Variants in ZNF93 observed in about 807,000 individuals in gnomAD.
ZNF93 encodes the protein zinc finger protein 505.
ZNF93 carries 29 observed loss-of-function variants against 45.0 expected under a neutral mutation model. That is an observed-to-expected ratio of 0.64 (90% CI 0.48 to 0.88). The LOEUF is 0.88. Ranked by LOEUF, ZNF93 falls within the 40% of genes least tolerant of loss-of-function variation. ZNF93 has a pLI of 0.00. For missense variants in ZNF93, 578 were observed against 724.0 expected, an observed-to-expected ratio of 0.80 and a Z score of 2.31; for synonymous variants, 223 against 244.6, an observed-to-expected ratio of 0.91 and a Z score of 0.82.
In ZNF93 at chr19:19,934,760, T is replaced by G; in HGVS notation, c.1805T>G (p.Phe602Cys). The G allele has an allele frequency of 6.2e-7, 1 of 1,609,488 alleles. No individual in the cohort carries two copies. The highest frequency in any genetic ancestry group is 8.5e-7 in the Non-Finnish European group (1 of 1,177,992). The change falls in exon 4 of 4, where the codon TTT becomes TGT. Residue 602 changes from phenylalanine to cysteine, a missense_variant. This residue lies in a region of ZNF93 where 119 missense variants were observed against 123.1 expected (regional missense o/e 0.97). Coordinates refer to ENST00000343769, the MANE Select transcript of ZNF93 (RefSeq NM_031218.4). ...PYECDKCGKA[F>C]ISPSSLSRHE... is the part of the protein sequence containing the mutation. The stretch of plus-strand genomic sequence containing the variant: ...GAGTGTGATAAATGTGGCAAAGCCT[T>G]TATTTCACCCTCAAGCCTTAGTAGA...
At chr19:19,920,622 G>T (rs1483551396) in intron 3 of ZNF93, among the ~76,000 whole-genome samples, 4 of 152,106 alleles carry the variant, frequency 2.6e-5, no homozygotes, top group Admixed American at 6.6e-5. Flanking sequence ...CAATTTCAGA[G>T]CCTGTTATTG....
chr19:19,934,266 C>T lies in ZNF93; in HGVS notation c.1311C>T (p.Ser437=). ...AATGTGGCAAAGCCTTTGTTGCATC[C>T]TCAACCCTTAGTAAACATGAGATCA... ...CEECGKAFVA[S]STLSKHEIIH... The change falls in exon 4 of 4, where the codon TCC becomes TCT. Residue 437 remains serine, a synonymous_variant. Coordinates refer to ENST00000343769, the MANE Select transcript of ZNF93 (RefSeq NM_031218.4). The T allele has an allele frequency of 6.2e-7, 1 of 1,612,810 alleles. No individual in the cohort carries two copies. The highest frequency in any genetic ancestry group is 1.1e-5 in the South Asian group (1 of 91,020).
chr19:19,926,038 A>G lies in ZNF93; in HGVS notation c.227-7144A>G, dbSNP rs1432163598. On this transcript the variant is annotated intron_variant, in intron 3 of 3. Coordinates refer to ENST00000343769, the MANE Select transcript of ZNF93 (RefSeq NM_031218.4). ...CAATGATTCAAAATACCTGCACTTCATGAGTACAAACTAAAAGCTAAATAT... is the reference window on the plus strand; with the variant it reads ...CAATGATTCAAAATACCTGCACTTCGTGAGTACAAACTAAAAGCTAAATAT... 3 of 151,920 alleles carry G rather than the reference A, an allele frequency of 2.0e-5. No individual in the cohort carries two copies. In the East Asian group the frequency reaches 5.8e-4, roughly 29 times the overall value. The allele number at this position is 151,920 out of a possible 1,614,324, so 9.4% of individuals were successfully genotyped here.
At chr19:19,910,668 A>C (rs2063305284) in intron 1 of ZNF93, among the ~76,000 whole-genome samples, 1 of 126,004 alleles carries the variant, frequency 7.9e-6, no homozygotes, top group African/African-American at 3.2e-5. Flanking sequence ...TTTTTTTTTC[A>C]TGTAGACTTA....
intron 3 of ZNF93, chr19:19,927,396 A>G (rs2063359579): frequency 5.1e-6 from 2 of 390,348 alleles, no homozygotes; most frequent in Non-Finnish European, 9.0e-6. Flanking sequence ...AAGTATATTC[A>G]CATTGTTATG....
rs1267980212 is a variant in ZNF93, at chr19:19,913,487, C to CA, written c.4-1792dup. On this transcript the variant is annotated intron_variant, in intron 1 of 3. Transcript: ENST00000343769. ...TTCCACCTGTGAACTAGAGGGTGGTCACAGGGCCTATTCTATTTGGGTTTG... is the reference window on the plus strand; with the variant it reads ...TTCCACCTGTGAACTAGAGGGTGGTCAACAGGGCCTATTCTATTTGGGTTTG... 1.2e-3 allele frequency among the ~76,000 whole-genome samples: 185 copies of CA among 152,168 alleles called. 2 individuals are homozygous for CA. The highest frequency in any genetic ancestry group is 2.9e-5 in the Non-Finnish European group (2 of 68,008).
chr19:19,917,516 A>G (rs1419562970), intron 3 of ZNF93, among the ~76,000 whole-genome samples: 1 of 152,036 alleles, frequency 6.6e-6, no homozygotes, highest in Non-Finnish European at 1.5e-5. Flanking sequence ...GAAACCATTC[A>G]TATACTTGTG....
chr19:19,926,487 G>GT (rs35213406), intron 3 of ZNF93, among the ~76,000 whole-genome samples: 4,262 of 138,382 alleles, frequency 0.031, 71 homozygotes, highest in African/African-American at 0.046. Context: ...TCAGTGTAGG[G>GT]TTTTTTTTTT....
In ZNF93 at chr19:19,933,428, CA is replaced by C; in HGVS notation, c.476del (p.Asn159IlefsTer7). 2 of 1,593,954 alleles carry C rather than the reference CA, an allele frequency of 1.3e-6. No individual in the cohort carries two copies. On this transcript the variant is annotated frameshift_variant, in exon 4 of 4. Coordinates refer to ENST00000343769, the MANE Select transcript of ZNF93 (RefSeq NM_031218.4). LOFTEE classifies it high-confidence loss of function. ...TATGGGAAAGTCTTTCATAAATTTT[CA>C]AATTCAAATAGACATAATATAAGAC... is the stretch of plus-strand genomic sequence containing the variant. ...DKYGKVFHKF[S>X]NSNRHNIRHT...
intron 3 of ZNF93, 71 bp downstream of exon 3, chr19:19,916,726 C>A: frequency 1.8e-6 from 2 of 1,107,872 alleles, no homozygotes; most frequent in Non-Finnish European, 2.6e-6. Flanking sequence ...GAAAGCCAGT[C>A]CTTAAAATGT....
rs1293663711 is a variant in ZNF93, at chr19:19,933,611, A to G, written c.656A>G (p.His219Arg). 3 of 1,610,052 alleles carry G rather than the reference A, an allele frequency of 1.9e-6. No homozygotes were observed. The highest frequency in any genetic ancestry group is 2.5e-6 in the Non-Finnish European group (3 of 1,178,264). ...AAGTACTCCTCTGCCCTTAATACAC[A>G]TAAGAGAATTCATACTGGAGAGAAA... ...AFKYSSALNT[H>R]KRIHTGEKPY... The change falls in exon 4 of 4, where the codon CAT becomes CGT. Residue 219 changes from histidine to arginine, a missense_variant. Physicochemically the swap from His to Arg is conservative, Grantham distance 29. This residue lies in a region of ZNF93 where 446 missense variants were observed against 547.6 expected (regional missense o/e 0.81). Transcript: ENST00000343769.
intron 1 of ZNF93, among the ~76,000 whole-genome samples, chr19:19,913,906 T>C (rs1002443770): frequency 1.3e-5 from 2 of 152,242 alleles, no homozygotes; most frequent in Non-Finnish European, 2.9e-5. Context: ...GCCATGCGTT[T>C]AGTACTCACA....
At chr19:19,904,116 ATTTTT>A (rs60853268) in intron 1 of ZNF93, among the ~76,000 whole-genome samples, 2 of 141,030 alleles carry the variant, frequency 1.4e-5, no homozygotes, top group African/African-American at 5.3e-5. Context: ...AATACAGCTG[ATTTTT>A]TTTTTTTTGA....
chr19:19,918,923 G>GT (rs543275965), intron 3 of ZNF93, among the ~76,000 whole-genome samples: 11,821 of 148,380 alleles, frequency 0.08, 962 homozygotes, highest in African/African-American at 0.21. Context: ...TCTGATGGTA[G>GT]TTTTTTTTTT....
At chr19:19,931,620 C>G (rs2063374676) in intron 3 of ZNF93, among the ~76,000 whole-genome samples, 1 of 152,204 alleles carries the variant, frequency 6.6e-6, no homozygotes, top group South Asian at 2.1e-4. Context: ...CCATCTTGAA[C>G]TTCCAAATTC....
At chr19:19,908,913 TG>T (rs2063300345) in intron 1 of ZNF93, 1 of 148,426 alleles carries the variant, frequency 6.7e-6, no homozygotes, top group Non-Finnish European at 1.5e-5. Context: ...ATGCTTTGGG[TG>T]TCTGTTTCAG....
chr19:19,924,672 C>CCT (rs1194122928), intron 3 of ZNF93, among the ~76,000 whole-genome samples: 2 of 151,950 alleles, frequency 1.3e-5, no homozygotes, highest in Non-Finnish European at 2.9e-5. Context: ...CTCACTGCAA[C>CCT]CTCCACCTCC....
chr19:19,915,799 G>A (rs986992286), intron 2 of ZNF93, among the ~76,000 whole-genome samples: 3 of 152,114 alleles, frequency 2.0e-5, no homozygotes, highest in African/African-American at 7.2e-5. Context: ...CCGAGATCGT[G>A]CCGTTGCACT....
chr19:19,927,813 A>G (rs1184303026), intron 3 of ZNF93, among the ~76,000 whole-genome samples: 1 of 152,202 alleles, frequency 6.6e-6, no homozygotes, highest in Non-Finnish European at 1.5e-5. Flanking sequence ...CAGTGGTGCA[A>G]TCTCAGCTCT....
Sources: gnomAD v4.1 joint callset for allele counts (sites outside exome capture counted in the v4.1 genomes callset) on GRCh38, gnomAD v4.1.1 for gene constraint, gnomAD v4.1.1 regional missense constraint, MANE v1.5 for transcripts, NCBI Gene and HGNC (gene_info 2026-07-23, HGNC 2026-07-21) for gene names.